ERBB4: variants seen among roughly 807,000 people sequenced by gnomAD.
ERBB4 encodes the protein erb-b2 receptor tyrosine kinase 4.
In ERBB4, 42 loss-of-function variants were observed where a neutral mutation model predicts 158.0. That is an observed-to-expected ratio of 0.27 (90% CI 0.21 to 0.34). ERBB4 has a LOEUF of 0.34. ERBB4 is among the 10% of genes least tolerant of loss of function. The pLI, the probability that ERBB4 is intolerant of heterozygous loss-of-function variation, is 1.00. For missense variants in ERBB4, 1,333 were observed against 1,624.1 expected (o/e 0.82, Z 3.08); for synonymous variants, 583 against 558.7 (o/e 1.04, Z -0.61).
rs565034809 is a variant in ERBB4, at chr2:211,588,358, A to G, written c.2302-26270T>C. Among the ~76,000 whole-genome samples, 5 of 152,262 alleles carry G rather than the reference A, an allele frequency of 3.3e-5. No individual in the cohort carries two copies. The South Asian group carries it at 1.0e-3, about 32-fold the overall frequency. On this transcript the variant is annotated intron_variant, in intron 19 of 27. Transcript: ENST00000342788. ...AATGCATGAACACTTCAAAAAATAAATTAAAACAAAAAGTAATACGAGCAA... is the reference window on the plus strand; with the variant it reads ...AATGCATGAACACTTCAAAAAATAAGTTAAAACAAAAAGTAATACGAGCAA...
chr2:211,952,396 T>C (rs2080897574), intron 2 of ERBB4, among the ~76,000 whole-genome samples: 2 of 151,956 alleles, frequency 1.3e-5, no homozygotes, highest in African/African-American at 4.8e-5. Flanking sequence ...GGATAAAAAG[T>C]GAAGAGATAT....
In ERBB4 at chr2:211,619,268, C is replaced by G. The variant is rs748263203; in HGVS notation, c.2210G>C (p.Trp737Ser). The change falls in exon 19 of 28, where the codon TGG (tryptophan) becomes TCG (serine). Residue 737 changes from tryptophan (W) to serine (S), a missense_variant. Around this residue, in one of 5 missense-constraint regions of ERBB4, gnomAD observed 314 missense variants for 437.6 expected, o/e 0.72. Coordinates refer to ENST00000342788, the MANE Select transcript of ERBB4 (RefSeq NM_005235.3). Reference sequence around the variant, plus strand: ...CTTCACAGTTTCTCCTTCAGGTACCCAAATACCCTTTGGGGAAAAAAATTT... The same window carrying G: ...CTTCACAGTTTCTCCTTCAGGTACCGAAATACCCTTTGGGGAAAAAAATTT... ...GAFGTVYKGIWVPEGETVKIP... is the reference protein window; with the variant it reads ...GAFGTVYKGISVPEGETVKIP... 2 of 1,602,588 alleles carry G rather than the reference C, an allele frequency of 1.2e-6. No individual in the cohort carries two copies. Among genetic ancestry groups the G allele is most frequent in the Non-Finnish European group, 1.7e-6 (2 of 1,169,952 alleles).
intron 25 of ERBB4, among the ~76,000 whole-genome samples, chr2:211,409,335 G>A (rs551662540): frequency 6.6e-6 from 1 of 152,144 alleles, no homozygotes; most frequent in East Asian, 1.9e-4. Context: ...TTGTTATGAA[G>A]GTTAAGGGTA....
At chr2:211,950,841 C>T (rs190928849) in intron 2 of ERBB4, among the ~76,000 whole-genome samples, 159 of 152,078 alleles carry the variant, frequency 1.0e-3, no homozygotes, top group Middle Eastern at 0.01. Context: ...AAAATTGCAC[C>T]GCGTGGAAAA....
rs184340595 is a variant in ERBB4 at position 211,996,885 on chromosome 2, G to A, written c.235-49269C>T. On this transcript the variant is annotated intron_variant, in intron 2 of 27. Coordinates refer to ENST00000342788, the MANE Select transcript of ERBB4 (RefSeq NM_005235.3). ...AAACAAATATTTTGCTAAAACCAAGGTGGACTTTGGATGCCAGAAAAGACC... is the reference window on the plus strand; with the variant it reads ...AAACAAATATTTTGCTAAAACCAAGATGGACTTTGGATGCCAGAAAAGACC... Among the ~76,000 whole-genome samples the A allele has an allele frequency of 7.3e-4, 111 of 152,282 alleles. 1 individual carries two copies. Among genetic ancestry groups the A allele is most frequent in the Middle Eastern group, 3.4e-3 (1 of 294 alleles).
rs71054125 is a variant in ERBB4, at chr2:211,673,517, C to CAAAAAAAAAAAAAAAAAAAA, written c.1623-261_1623-260insTTTTTTTTTTTTTTTTTTTT. 2.2e-3 allele frequency among the ~76,000 whole-genome samples: 120 copies of CAAAAAAAAAAAAAAAAAAAA among 54,010 alleles called. 15 individuals are homozygous for CAAAAAAAAAAAAAAAAAAAA. The highest frequency in any genetic ancestry group is 6.8e-3 in the African/African-American group (94 of 13,866). The allele number at this position is 54,010 out of a possible 152,430, so 35.4% of individuals were successfully genotyped here. On this transcript the variant is annotated intron_variant, in intron 13 of 27. Transcript: ENST00000342788. ...CCTGCAAGACATATTCCAGCAATCT[C>CAAAAAAAAAAAAAAAAAAAA]AAAAAAAAAAAAAGCTACAAAGTAT...
chr2:211,486,481 T>A lies in ERBB4; in HGVS notation c.2488-55381A>T, dbSNP rs547087789. Among the ~76,000 whole-genome samples the A allele has an allele frequency of 2.3e-4, 35 of 151,740 alleles. 1 individual carries two copies. The South Asian group carries it at 7.3e-3, about 32-fold the overall frequency. On this transcript the variant is annotated intron_variant, in intron 20 of 27. Coordinates refer to ENST00000342788, the MANE Select transcript of ERBB4 (RefSeq NM_005235.3). ...TATGTCGAGTTAACCTCAACCAGAATGGAAATGACAGCTGTAAAATATCTA... is the reference window on the plus strand; with the variant it reads ...TATGTCGAGTTAACCTCAACCAGAAAGGAAATGACAGCTGTAAAATATCTA...
chr2:212,099,837 G>C (rs184992754), intron 2 of ERBB4, among the ~76,000 whole-genome samples: 14 of 150,990 alleles, frequency 9.3e-5, no homozygotes, highest in African/African-American at 2.9e-4. Flanking sequence ...TCTGTATTGG[G>C]GATGGTGGCT....
chr2:212,211,629 A>AAAAC (rs148929858), intron 1 of ERBB4, among the ~76,000 whole-genome samples: 5,196 of 148,514 alleles, frequency 0.035, 286 homozygotes, highest in African/African-American at 0.12. Flanking sequence ...AAAAAAAAAA[A>AAAAC]TGGATACATG....
intron 1 of ERBB4, among the ~76,000 whole-genome samples, chr2:212,419,832 G>T (rs2091753184): frequency 6.6e-6 from 1 of 151,818 alleles, no homozygotes. Context: ...TATTTTTTAT[G>T]TCTGAGATTC....
At chr2:212,124,448 C>CGTA in intron 2 of ERBB4, 1 of 375,492 alleles carries the variant, frequency 2.7e-6, no homozygotes, top group South Asian at 2.6e-5. Context: ...GGTCCTCTGA[C>CGTA]TCTCCTAGTT....
chr2:212,111,060 T>G (rs2079390435), intron 2 of ERBB4, among the ~76,000 whole-genome samples: 1 of 152,136 alleles, frequency 6.6e-6, no homozygotes, highest in Non-Finnish European at 1.5e-5. Context: ...GTAATAGAAA[T>G]TCAAGGAACC....
At chr2:212,399,941 A>G (rs1387514394) in intron 1 of ERBB4, among the ~76,000 whole-genome samples, 1 of 152,068 alleles carries the variant, frequency 6.6e-6, no homozygotes, top group Non-Finnish European at 1.5e-5. Flanking sequence ...ACATCATGAC[A>G]AAAGTTCAGA....
intron 3 of ERBB4, among the ~76,000 whole-genome samples, chr2:211,944,346 T>C (rs2080619571): frequency 6.6e-6 from 1 of 150,924 alleles, no homozygotes; most frequent in African/African-American, 2.4e-5. Context: ...AAAATAAAAT[T>C]TTGCTTAAGA....
intron 1 of ERBB4, among the ~76,000 whole-genome samples, chr2:212,314,765 C>T (rs968172918): frequency 6.6e-5 from 10 of 151,106 alleles, no homozygotes; most frequent in African/African-American, 2.4e-4. Context: ...CATCCAGGTC[C>T]TTTAATCCAG....
chr2:211,700,186 T>G (rs1236004552), intron 12 of ERBB4, among the ~76,000 whole-genome samples: 1 of 152,158 alleles, frequency 6.6e-6, no homozygotes, highest in Non-Finnish European at 1.5e-5. Flanking sequence ...TTGAAGAAGA[T>G]TCTATCTTAT....
At chr2:211,783,246 T>C (rs921431064) in intron 4 of ERBB4, among the ~76,000 whole-genome samples, 3 of 152,258 alleles carry the variant, frequency 2.0e-5, no homozygotes, top group African/African-American at 7.2e-5. Flanking sequence ...TGAAGTTGCT[T>C]ATCAGCTTAA....
At chr2:212,238,466 C>T (rs920936632) in intron 1 of ERBB4, among the ~76,000 whole-genome samples, 4 of 152,180 alleles carry the variant, frequency 2.6e-5, no homozygotes, top group Admixed American at 6.5e-5. Context: ...ATGCAGAAAC[C>T]ACCTGCCTTC....
At chr2:212,391,398 A>G (rs545975724) in intron 1 of ERBB4, among the ~76,000 whole-genome samples, 1 of 151,244 alleles carries the variant, frequency 6.6e-6, no homozygotes, top group African/African-American at 2.4e-5. Flanking sequence ...TTCACAGCTG[A>G]TGTTTAATAT....
Sources: gnomAD v4.1 joint callset for allele counts (sites outside exome capture counted in the v4.1 genomes callset) on GRCh38, gnomAD v4.1.1 for gene constraint, gnomAD v4.1.1 regional missense constraint, MANE v1.5 for transcripts, NCBI Gene and HGNC (gene_info 2026-07-23, HGNC 2026-07-21) for gene names.